Variants in TMEM232 observed in about 807,000 individuals in gnomAD.
The protein encoded by TMEM232 is transmembrane protein 232.
A neutral mutation model predicts 78.8 loss-of-function variants in TMEM232; 80 were observed. The ratio of observed to expected loss-of-function variants is 1.01; its 90% confidence interval spans 0.85 to 1.22. The LOEUF (loss-of-function observed/expected upper bound fraction) is 1.22. Ranked by LOEUF, TMEM232 falls within the 50% of genes most tolerant of loss-of-function variation. The pLI is 0.00. For missense variants in TMEM232, 881 were observed against 742.2 expected, an observed-to-expected ratio of 1.19 and a Z score of -2.17; for synonymous variants, 297 against 254.3, an observed-to-expected ratio of 1.17 and a Z score of -1.60.
chr5:110,726,362 T>A (rs768169883), intron 1 of TMEM232, among the ~76,000 whole-genome samples: 12 of 152,136 alleles, frequency 7.9e-5, no homozygotes, highest in Non-Finnish European at 1.8e-4. Context: ...TCCTTTATTC[T>A]CCCCAACAAA....
chr5:110,392,536 C>G (rs190327896), intron 3 of TMEM232, among the ~76,000 whole-genome samples: 2 of 152,288 alleles, frequency 1.3e-5, no homozygotes, highest in African/African-American at 2.4e-5. Context: ...GATCAAGGTG[C>G]CTGACAATTA....
At chr5:110,638,781 C>T (rs1440325516) in intron 4 of TMEM232, among the ~76,000 whole-genome samples, 2 of 152,130 alleles carry the variant, frequency 1.3e-5, no homozygotes, top group African/African-American at 4.8e-5. Flanking sequence ...CAAGGGGGCT[C>T]AGCTATTATA....
chr5:110,517,553 C>A (rs1768858398), intron 12 of TMEM232, among the ~76,000 whole-genome samples: 2 of 152,142 alleles, frequency 1.3e-5, no homozygotes, highest in Non-Finnish European at 2.9e-5. Flanking sequence ...CTGTTTTACC[C>A]AGAGATTAGC....
chr5:110,524,345 GAGA>G (rs1770088395), intron 12 of TMEM232, among the ~76,000 whole-genome samples: 1 of 107,040 alleles, frequency 9.3e-6, no homozygotes, highest in Non-Finnish European at 1.9e-5. Context: ...GAAAAAGAAA[GAGA>G]AAGAAAGAAA....
At chr5:110,711,465 G>A (rs1561552922) in intron 1 of TMEM232, among the ~76,000 whole-genome samples, 1 of 152,032 alleles carries the variant, frequency 6.6e-6, no homozygotes, top group East Asian at 1.9e-4. Context: ...GCTATTCCTA[G>A]AAAAAAGAAC....
intron 12 of TMEM232, among the ~76,000 whole-genome samples, chr5:110,522,523 T>C (rs1769692618): frequency 6.6e-6 from 1 of 152,214 alleles, no homozygotes; most frequent in African/African-American, 2.4e-5. Context: ...TTTTTCACTA[T>C]CGAGTATGAT....
Position 110,538,937 on chromosome 5 carries a change from C to T in TMEM232, c.1456-10102G>A, listed in dbSNP as rs576459311. 2.6e-4 allele frequency among the ~76,000 whole-genome samples: 39 copies of T among 152,146 alleles called. 1 individual carries two copies. Among genetic ancestry groups the T allele is most frequent in the Middle Eastern group, 3.2e-3 (1 of 316 alleles). On this transcript the variant is annotated intron_variant, in intron 11 of 13. Coordinates refer to ENST00000455884, the MANE Select transcript of TMEM232 (RefSeq NM_001039763.4). ...GCCGCAAACAAGATTCTTTACTCCT[C>T]CTTTGATTTGTCAATTTGAGAAACA...
rs557238730 is a variant in TMEM232 at position 110,419,674 on chromosome 5, T to A, written c.*906A>T. 1.3e-5 allele frequency among the ~76,000 whole-genome samples: 2 copies of A among 152,256 alleles called. No homozygotes were observed. The highest frequency in any genetic ancestry group is 4.1e-4 in the South Asian group (2 of 4,826). On this transcript the variant is annotated 3_prime_UTR_variant, in exon 14 of 14. Transcript: ENST00000455884. ...ACTAATTTATGTTACCTTTCTGACC[T>A]GGTAGTCATTTGAGTTTGACACCCC...
At chr5:110,418,996 T>C (rs907161539), downstream of TMEM232, among the ~76,000 whole-genome samples, 1 of 152,092 alleles carries the variant, frequency 6.6e-6, no homozygotes, top group African/African-American at 2.4e-5. Flanking sequence ...ATGTCACTGA[T>C]GGCTTTAATG....
chr5:110,695,882 A>C (rs1246876990), intron 1 of TMEM232, among the ~76,000 whole-genome samples: 1 of 152,220 alleles, frequency 6.6e-6, no homozygotes, highest in East Asian at 1.9e-4. Flanking sequence ...TACAAGGAGA[A>C]GCTGGTACCA....
At chr5:110,473,043 G>A (rs1762849499) in intron 12 of TMEM232, among the ~76,000 whole-genome samples, 1 of 148,680 alleles carries the variant, frequency 6.7e-6, no homozygotes, top group Non-Finnish European at 1.5e-5. Context: ...AACCTAAAAA[G>A]CACAGGCAAC....
At chr5:110,596,554 AC>A (rs1277523630) in intron 10 of TMEM232, among the ~76,000 whole-genome samples, 1 of 152,178 alleles carries the variant, frequency 6.6e-6, no homozygotes, top group Non-Finnish European at 1.5e-5. Flanking sequence ...GGGCAGAGAC[AC>A]CACAAATAAA....
chr5:110,728,274 A>G (rs9686137), upstream of TMEM232, among the ~76,000 whole-genome samples: 2 of 151,786 alleles, frequency 1.3e-5, no homozygotes, highest in Non-Finnish European at 2.9e-5. Context: ...CTGATTTTAT[A>G]TATGTATCTA....
intron 2 of TMEM232, among the ~76,000 whole-genome samples, chr5:110,408,406 ATC>A (rs1195744120): frequency 6.6e-6 from 1 of 152,128 alleles, no homozygotes; most frequent in Non-Finnish European, 1.5e-5. Context: ...AGCCTGGCCA[ATC>A]TGGTGAAACC....
upstream of TMEM232, among the ~76,000 whole-genome samples, chr5:110,730,134 T>G (rs1798538627): frequency 6.6e-6 from 1 of 152,106 alleles, no homozygotes; most frequent in Non-Finnish European, 1.5e-5. Context: ...TTCAATCATA[T>G]TTCTCAAACC....
chr5:110,584,571 C>G (rs1383520271), intron 10 of TMEM232, among the ~76,000 whole-genome samples: 1 of 152,034 alleles, frequency 6.6e-6, no homozygotes, highest in Admixed American at 6.6e-5. Context: ...TAGAGATCTG[C>G]TGTAAAACAT....
chr5:110,712,352 G>A (rs1368203899), intron 1 of TMEM232, among the ~76,000 whole-genome samples: 1 of 151,826 alleles, frequency 6.6e-6, no homozygotes, highest in Non-Finnish European at 1.5e-5. Context: ...CATCTGACAA[G>A]GGTTTAATAA....
Position 110,625,635 on chromosome 5 carries a change from G to A in TMEM232, c.602-202C>T, listed in dbSNP as rs990993979. 14 of 333,630 alleles carry A rather than the reference G, an allele frequency of 4.2e-5. No homozygotes were observed. In the East Asian group the frequency reaches 6.5e-4, roughly 16 times the overall value. The allele number at this position is 333,630 out of a possible 1,614,324, so 20.7% of individuals were successfully genotyped here. A position where few individuals can be genotyped will look rare whatever the true frequency, so the allele number is the denominator to read the frequency against. On this transcript the variant is annotated intron_variant, in intron 6 of 13. Coordinates refer to ENST00000455884, the MANE Select transcript of TMEM232 (RefSeq NM_001039763.4). ...GACGGTAAATAATTTATACGTAAGA[G>A]TTTATATAATTCAGGACAGCAATTT...
At chr5:110,713,320 T>A (rs1005939186) in intron 1 of TMEM232, among the ~76,000 whole-genome samples, 2 of 152,006 alleles carry the variant, frequency 1.3e-5, no homozygotes, top group Non-Finnish European at 2.9e-5. Context: ...AAAGAATGAG[T>A]AAGACCTAGT....
Sources: allele counts gnomAD v4.1 joint callset (sites outside exome capture counted in the v4.1 genomes callset), GRCh38; gene constraint gnomAD v4.1.1; transcripts MANE v1.5; gene names NCBI Gene and HGNC (gene_info 2026-07-23, HGNC 2026-07-21).